Variants in FRMD4A observed in about 807,000 individuals in gnomAD.
The protein encoded by FRMD4A is FERM domain containing 4A, also known as FERM domain-containing protein 4A.
In FRMD4A, 29 loss-of-function variants were observed where a neutral mutation model predicts 129.1. That is an observed-to-expected ratio of 0.22 (90% CI 0.17 to 0.31). The LOEUF (loss-of-function observed/expected upper bound fraction) is 0.31. FRMD4A is among the 10% of genes least tolerant of loss of function. The pLI, the probability that FRMD4A is intolerant of heterozygous loss-of-function variation, is 1.00. For missense variants in FRMD4A, 1,272 were observed against 1,375.8 expected (o/e 0.92, Z 1.19); for synonymous variants, 634 against 571.6 (o/e 1.11, Z -1.56).
intron 7 of FRMD4A, among the ~76,000 whole-genome samples, chr10:13,762,364 C>CA (rs1447887186): frequency 6.6e-6 from 1 of 152,174 alleles, no homozygotes; most frequent in Non-Finnish European, 1.5e-5. Flanking sequence ...TAAATGATCT[C>CA]AGTTTCTCCC....
At chr10:14,028,704 A>C (rs1599943) in intron 2 of FRMD4A, among the ~76,000 whole-genome samples, 24,237 of 152,186 alleles carry the variant, frequency 0.16, 2,631 homozygotes, top group African/African-American at 0.31. Flanking sequence ...GCTTGTATCG[A>C]TATCCATACT....
intron 2 of FRMD4A, among the ~76,000 whole-genome samples, chr10:14,111,797 G>A (rs1837917561): frequency 1.3e-5 from 2 of 151,710 alleles, no homozygotes; most frequent in African/African-American, 4.8e-5. Flanking sequence ...ATGACTAACT[G>A]ACAAACTAAT....
intron 2 of FRMD4A, chr10:14,008,068 C>A (rs781383150): frequency 1.5e-6 from 2 of 1,303,622 alleles, no homozygotes; most frequent in Non-Finnish European, 1.0e-6. Flanking sequence ...ACCCTTTCAA[C>A]GCTGCGCCTT....
At position 14,063,092 on chromosome 10, in the gene FRMD4A, C is replaced by T. The variant is rs185075401; in HGVS notation, c.46-204180G>A. 7.8e-4 allele frequency among the ~76,000 whole-genome samples: 119 copies of T among 152,264 alleles called. No homozygotes were observed. In the South Asian group the frequency reaches 8.9e-3, roughly 11 times the overall value. On this transcript the variant is annotated intron_variant, in intron 2 of 24. Transcript: ENST00000357447. ...GACTTACGAAACACTTAATATGGGCCAGACATGATATTAAGAGCTTTACAC... is the reference window on the plus strand; with the variant it reads ...GACTTACGAAACACTTAATATGGGCTAGACATGATATTAAGAGCTTTACAC...
At chr10:13,675,187 ACTCT>A in intron 15 of FRMD4A, 143 bp from the exon 16 acceptor site, 1 of 695,068 alleles carries the variant, frequency 1.4e-6, no homozygotes, top group South Asian at 1.8e-5. Context: ...GGTGCTCAGC[ACTCT>A]AACTGTGAGA....
chr10:14,212,025 C>T (rs1218858429), intron 2 of FRMD4A, among the ~76,000 whole-genome samples: 22 of 152,146 alleles, frequency 1.4e-4, no homozygotes, highest in Admixed American at 1.2e-3. Flanking sequence ...GGGGTACAGA[C>T]AGACATCCCC....
Position 14,268,673 on chromosome 10 carries a change from T to C in FRMD4A, c.45+61385A>G, listed in dbSNP as rs1443000298. Among the ~76,000 whole-genome samples, 7 of 152,244 alleles carry C rather than the reference T, an allele frequency of 4.6e-5. No homozygotes were observed. The East Asian group carries it at 1.3e-3, about 29-fold the overall frequency. ...GAAATATTTGATGCGTGATGAAATC[T>C]ACAACATGTCCCTATGGAAACACGA... On this transcript the variant is annotated intron_variant, in intron 2 of 24. Transcript: ENST00000357447.
intron 2 of FRMD4A, among the ~76,000 whole-genome samples, chr10:14,271,843 A>G (rs1845172934): frequency 6.6e-6 from 1 of 152,198 alleles, no homozygotes; most frequent in Non-Finnish European, 1.5e-5. Flanking sequence ...GCTGGAGTGA[A>G]ATAAACTTGC....
intron 2 of FRMD4A, among the ~76,000 whole-genome samples, chr10:14,113,944 C>T: frequency 6.6e-6 from 1 of 152,296 alleles, no homozygotes; most frequent in Middle Eastern, 3.4e-3. Flanking sequence ...CACCTCACCC[C>T]CAGCCCATCC....
intron 2 of FRMD4A, among the ~76,000 whole-genome samples, chr10:14,103,402 C>G (rs1837412483): frequency 6.6e-6 from 1 of 152,118 alleles, no homozygotes; most frequent in South Asian, 2.1e-4. Context: ...AGATGTGATG[C>G]CTGGATCTCA....
At chr10:13,839,049 T>C (rs960734214) in intron 3 of FRMD4A, among the ~76,000 whole-genome samples, 1 of 139,428 alleles carries the variant, frequency 7.2e-6, no homozygotes, top group Non-Finnish European at 1.5e-5. Flanking sequence ...CAGGCTGGAG[T>C]ACAGTGGTGG....
intron 2 of FRMD4A, among the ~76,000 whole-genome samples, chr10:14,265,963 G>A (rs947383916): frequency 3.9e-5 from 6 of 152,136 alleles, no homozygotes; most frequent in Admixed American, 3.3e-4. Flanking sequence ...ATCACATAGA[G>A]TCATGAAGAA....
Position 13,685,657 on chromosome 10 carries a change from A to G in FRMD4A, c.1117+8241T>C, listed in dbSNP as rs116931615. On this transcript the variant is annotated intron_variant, in intron 15 of 24. Coordinates refer to ENST00000357447, the MANE Select transcript of FRMD4A (RefSeq NM_018027.5). ...AACGCTCGTGGGAAGTGATAGTTAT[A>G]TCTCTTTTTAGTATTTAAAATTTCA... The G allele has an allele frequency of 5.5e-3, 5,377 of 984,030 alleles. 23 individuals are homozygous for G. The highest frequency in any genetic ancestry group is 6.3e-3 in the Non-Finnish European group (5,189 of 828,648). 61.0% of individuals were successfully genotyped at this position (984,030 alleles called of 1,614,324 possible).
chr10:13,685,005 T>G (rs1466049312), intron 15 of FRMD4A: 1 of 983,880 alleles, frequency 1.0e-6, no homozygotes, highest in Admixed American at 6.1e-5. Context: ...AAAAAGATAT[T>G]TATTTCCTTG....
In FRMD4A at chr10:13,796,403, T is replaced by C; in HGVS notation, c.299+93A>G. 6.8e-6 allele frequency: 5 copies of C among 734,568 alleles called. No homozygotes were observed. In the Admixed American group the frequency reaches 7.7e-5, roughly 11 times the overall value. The allele number at this position is 734,568 out of a possible 1,614,324, so 45.5% of individuals were successfully genotyped here. On this transcript the variant is annotated intron_variant, in intron 5 of 24. Coordinates refer to ENST00000357447, the MANE Select transcript of FRMD4A (RefSeq NM_018027.5). ...TCCCTGGCAATGAACCAAGACAAAC[T>C]TGAGCTCTCTTTCCTTGGAATCACT...
intron 2 of FRMD4A, among the ~76,000 whole-genome samples, chr10:14,208,483 A>G (rs1842847744): frequency 1.3e-5 from 2 of 152,072 alleles, no homozygotes; most frequent in South Asian, 2.1e-4. Flanking sequence ...AGTTAGTCCC[A>G]AGAGCCAGAC....
chr10:13,702,798 A>C (rs1434555709), intron 13 of FRMD4A, among the ~76,000 whole-genome samples: 2 of 152,056 alleles, frequency 1.3e-5, no homozygotes, highest in Admixed American at 1.3e-4. Context: ...GGGGTGCTAA[A>C]GATTTAAAGT....
intron 4 of FRMD4A, among the ~76,000 whole-genome samples, chr10:13,804,347 GATA>G (rs2093318985): frequency 6.6e-6 from 1 of 152,126 alleles, no homozygotes; most frequent in Non-Finnish European, 1.5e-5. Flanking sequence ...TTAAATTGTA[GATA>G]AGCTTGTGGC....
intron 2 of FRMD4A, among the ~76,000 whole-genome samples, chr10:14,078,128 T>C (rs1835717456): frequency 6.6e-6 from 1 of 152,238 alleles, no homozygotes; most frequent in East Asian, 1.9e-4. Flanking sequence ...GGGACCACTT[T>C]GATGAATGAA....
Sources: gnomAD v4.1 joint callset for allele counts (sites outside exome capture counted in the v4.1 genomes callset) on GRCh38, gnomAD v4.1.1 for gene constraint, MANE v1.5 for transcripts, NCBI Gene and HGNC (gene_info 2026-07-23, HGNC 2026-07-21) for gene names.